The following SLC35F4 variants were observed in gnomAD, a reference collection of about 807,000 sequenced individuals.
The protein encoded by SLC35F4 is chromosome 14 open reading frame 36.
SLC35F4 carries 24 observed loss-of-function variants against 44.2 expected under a neutral mutation model. The ratio of observed to expected loss-of-function variants is 0.54; its 90% confidence interval spans 0.39 to 0.76. The LOEUF (loss-of-function observed/expected upper bound fraction) is 0.76, where lower values mean the gene tolerates loss of function less well. Ranked by LOEUF, SLC35F4 falls within the 30% of genes least tolerant of loss-of-function variation. SLC35F4 has a pLI of 0.00. For missense variants in SLC35F4, 562 were observed against 586.1 expected, an observed-to-expected ratio of 0.96 and a Z score of 0.42; for synonymous variants, 238 against 223.6, an observed-to-expected ratio of 1.06 and a Z score of -0.57.
At position 57,964,989 on chromosome 14, in the gene SLC35F4, AAAAT is replaced by A. The variant is rs56411545; in HGVS notation, n.282+16920_282+16923del. ...TCCCATGGGGGAAAAAAAAAAAAAA[AAAAT>A]ATATATATATATATATATAGTTTCA... On this transcript the variant is annotated intron_variant and non_coding_transcript_variant, in intron 1 of 1. Transcript: ENST00000556568. Among the ~76,000 whole-genome samples, 902 of 127,840 alleles carry A rather than the reference AAAAT, an allele frequency of 7.1e-3. 3 individuals are homozygous for A. Among genetic ancestry groups the A allele is most frequent in the Non-Finnish European group, 0.01 (648 of 62,152 alleles). 83.9% of individuals were successfully genotyped at this position (127,840 alleles called of 152,430 possible). A position where few individuals can be genotyped will look rare whatever the true frequency, so the allele number is the denominator to read the frequency against.
At chr14:57,761,042 C>G (rs1487705831) in intron 1 of SLC35F4, among the ~76,000 whole-genome samples, 1 of 152,130 alleles carries the variant, frequency 6.6e-6, no homozygotes, top group Non-Finnish European at 1.5e-5. Flanking sequence ...GAATCAGACT[C>G]TGTGTGAGTC....
At chr14:57,694,098 A>G (rs1480290909) in intron 1 of SLC35F4, among the ~76,000 whole-genome samples, 1 of 152,184 alleles carries the variant, frequency 6.6e-6, no homozygotes, top group Non-Finnish European at 1.5e-5. Context: ...AGTCAACAGC[A>G]TGTAACCCCT....
chr14:57,604,756 G>A (rs552403841), intron 1 of SLC35F4, among the ~76,000 whole-genome samples: 1 of 152,268 alleles, frequency 6.6e-6, no homozygotes, highest in East Asian at 1.9e-4. Flanking sequence ...TACAAAAACA[G>A]ACATATAGAC....
At chr14:57,911,782 A>G (rs999298129) in intron 1 of SLC35F4, among the ~76,000 whole-genome samples, 1 of 151,984 alleles carries the variant, frequency 6.6e-6, no homozygotes, top group Non-Finnish European at 1.5e-5. Flanking sequence ...TTAGGGTAAT[A>G]CTGGCTTCAC....
intron 1 of SLC35F4, among the ~76,000 whole-genome samples, chr14:57,811,005 T>G (rs1881904869): frequency 6.6e-6 from 1 of 152,162 alleles, no homozygotes; most frequent in Admixed American, 6.5e-5. Context: ...AAATAAAACA[T>G]TTCTTATAAA....
chr14:57,717,598 T>C (rs1840575386), intron 1 of SLC35F4, among the ~76,000 whole-genome samples: 2 of 152,200 alleles, frequency 1.3e-5, no homozygotes, highest in Non-Finnish European at 2.9e-5. Flanking sequence ...ATCGCGCCAC[T>C]GCACTCCAGC....
intron 1 of SLC35F4, among the ~76,000 whole-genome samples, chr14:57,720,513 G>A (rs10150702): frequency 0.4 from 60,155 of 151,902 alleles, 11,931 homozygotes; most frequent in Middle Eastern, 0.41. Flanking sequence ...CTCATTACTT[G>A]TTATTGGTAT....
intron 1 of SLC35F4, among the ~76,000 whole-genome samples, chr14:57,666,772 T>C (rs1256255942): frequency 6.6e-6 from 1 of 151,658 alleles, no homozygotes; most frequent in Non-Finnish European, 1.5e-5. Flanking sequence ...AAGAAAGCTA[T>C]CAGGGCAGTT....
chr14:57,731,107 A>G (rs1039788355), intron 1 of SLC35F4, among the ~76,000 whole-genome samples: 1 of 152,138 alleles, frequency 6.6e-6, no homozygotes, highest in African/African-American at 2.4e-5. Flanking sequence ...ATCATTTGAT[A>G]AAACCTCATC....
intron 1 of SLC35F4, among the ~76,000 whole-genome samples, chr14:57,964,574 C>T (rs1279668934): frequency 6.6e-6 from 1 of 152,112 alleles, no homozygotes; most frequent in African/African-American, 2.4e-5. Flanking sequence ...TTTTCAAATT[C>T]TTTTCTTCCT....
intron 1 of SLC35F4, among the ~76,000 whole-genome samples, chr14:57,672,313 G>A (rs2074545996): frequency 6.6e-6 from 1 of 151,998 alleles, no homozygotes; most frequent in Admixed American, 6.6e-5. Context: ...TAGACACGGG[G>A]CACTATAACC....
In SLC35F4 at chr14:57,860,389, C is replaced by T. The variant is rs555828522; in HGVS notation, c.103+5334G>A. On this transcript the variant is annotated intron_variant, in intron 1 of 7. Transcript: ENST00000556826. ...TGGGTGAAGAGAGGCGAAGTAAATG[C>T]ACTCCTTTACTGATACCTTTCCAGG... 1.5e-4 allele frequency among the ~76,000 whole-genome samples: 23 copies of T among 152,234 alleles called. No homozygotes were observed. In the South Asian group the frequency reaches 4.6e-3, roughly 30 times the overall value.
At chr14:57,660,163 A>G (rs1443395586) in intron 1 of SLC35F4, among the ~76,000 whole-genome samples, 2 of 152,242 alleles carry the variant, frequency 1.3e-5, no homozygotes, top group African/African-American at 2.4e-5. Context: ...CACGAGAGGA[A>G]ACAGGCATGG....
At chr14:57,779,419 C>A (rs566244854) in intron 1 of SLC35F4, among the ~76,000 whole-genome samples, 1 of 152,220 alleles carries the variant, frequency 6.6e-6, no homozygotes, top group African/African-American at 2.4e-5. Context: ...TACGCCCTCC[C>A]AAGACTGAAC....
chr14:57,900,339 CCA>C, intron 1 of SLC35F4, among the ~76,000 whole-genome samples: 1 of 152,108 alleles, frequency 6.6e-6, no homozygotes, highest in Non-Finnish European at 1.5e-5. Flanking sequence ...TGTCACAGGC[CCA>C]CCCCTGAACC....
chr14:57,843,955 C>T (rs570663127), intron 1 of SLC35F4, among the ~76,000 whole-genome samples: 1 of 152,232 alleles, frequency 6.6e-6, no homozygotes, highest in African/African-American at 2.4e-5. Flanking sequence ...CTTTACTGAG[C>T]TTTGCTACAT....
intron 1 of SLC35F4, among the ~76,000 whole-genome samples, chr14:57,806,244 G>T (rs1339787666): frequency 6.6e-6 from 1 of 152,152 alleles, no homozygotes; most frequent in East Asian, 1.9e-4. Flanking sequence ...ACAAATGTTT[G>T]TTCCCACAGC....
downstream of SLC35F4, among the ~76,000 whole-genome samples, chr14:57,973,670 C>T (rs540089398): frequency 6.6e-6 from 1 of 152,180 alleles, no homozygotes; most frequent in Admixed American, 6.5e-5. Context: ...TTTGGTTGCA[C>T]ATAACAGAAA....
chr14:57,622,977 G>C (rs868379716), intron 1 of SLC35F4, among the ~76,000 whole-genome samples: 27 of 152,202 alleles, frequency 1.8e-4, no homozygotes, highest in Middle Eastern at 3.4e-3. Flanking sequence ...AACCTTAAAT[G>C]TGAATGGACT....
Sources: allele counts gnomAD v4.1 joint callset (sites outside exome capture counted in the v4.1 genomes callset), GRCh38; gene constraint gnomAD v4.1.1; transcripts MANE v1.5; gene names NCBI Gene and HGNC (gene_info 2026-07-23, HGNC 2026-07-21).